The following KIZ variants were observed in gnomAD, a reference collection of about 807,000 sequenced individuals.
KIZ encodes centrosomal protein kizuna.
A neutral mutation model predicts 79.6 loss-of-function variants in KIZ; 68 were observed. The observed-to-expected ratio is 0.85, with a 90% confidence interval of 0.70 to 1.05. The LOEUF (loss-of-function observed/expected upper bound fraction) is 1.05, where lower values mean the gene tolerates loss of function less well. Among genes scored for constraint, KIZ ranks in the 50% least tolerant of loss-of-function variants. The pLI is 0.00. For missense variants in KIZ, 797 were observed against 800.4 expected (o/e 1.00, Z 0.05); for synonymous variants, 280 against 281.8 (o/e 0.99, Z 0.06).
chr20:21,171,305 C>CTCTT (rs1299991052), intron 6 of KIZ, among the ~76,000 whole-genome samples: 4 of 152,164 alleles, frequency 2.6e-5, no homozygotes, highest in African/African-American at 9.6e-5. Flanking sequence ...GTTTTAATAG[C>CTCTT]TCTTTCTACA....
In KIZ at chr20:21,205,688, C is replaced by T. The variant is rs147756848; in HGVS notation, c.1446+104C>T. ...AAAAAAAAAAAAAGTTTTGGCCAGGCGCCGTGGCTCACGCCTGTAATCCCA... is the reference window on the plus strand; with the variant it reads ...AAAAAAAAAAAAAGTTTTGGCCAGGTGCCGTGGCTCACGCCTGTAATCCCA... On this transcript the variant is annotated intron_variant, in intron 7 of 12. Transcript: ENST00000619189. 2,992 of 557,186 alleles carry T rather than the reference C, an allele frequency of 5.4e-3. 72 individuals are homozygous for T. Among genetic ancestry groups the T allele is most frequent in the African/African-American group, 0.051 (2,588 of 50,818 alleles). The allele number at this position is 557,186 out of a possible 1,614,324, so 34.5% of individuals were successfully genotyped here.
At chr20:21,138,434 A>T (rs1372118788) in intron 3 of KIZ, among the ~76,000 whole-genome samples, 1 of 152,220 alleles carries the variant, frequency 6.6e-6, no homozygotes, top group Non-Finnish European at 1.5e-5. Flanking sequence ...ATCTATGCTG[A>T]TGCTATCTAA....
At chr20:21,138,497 A>G (rs1265416647) in intron 3 of KIZ, among the ~76,000 whole-genome samples, 1 of 152,212 alleles carries the variant, frequency 6.6e-6, no homozygotes, top group Non-Finnish European at 1.5e-5. Context: ...GGCTTGTGAC[A>G]CTGAAGACTG....
intron 4 of KIZ, chr20:21,151,408 T>A (rs1398086047): frequency 6.6e-6 from 1 of 152,190 alleles, no homozygotes; most frequent in Non-Finnish European, 1.5e-5. Flanking sequence ...AAGTGTATTA[T>A]GTGACAGAGG....
intron 6 of KIZ, among the ~76,000 whole-genome samples, chr20:21,165,243 T>C (rs2033875600): frequency 6.6e-6 from 1 of 152,144 alleles, no homozygotes; most frequent in African/African-American, 2.4e-5. Flanking sequence ...ATCCAGAATG[T>C]AAAATCTGCG....
chr20:21,130,596 TA>T (rs573526034), intron 1 of KIZ, among the ~76,000 whole-genome samples: 133 of 152,368 alleles, frequency 8.7e-4, no homozygotes, highest in African/African-American at 3.1e-3. Context: ...TGCTATTAGT[TA>T]AAAATGTGTG....
At chr20:21,235,197 A>G (rs908377019) in intron 11 of KIZ, among the ~76,000 whole-genome samples, 1 of 152,018 alleles carries the variant, frequency 6.6e-6, no homozygotes, top group African/African-American at 2.4e-5. Context: ...GCAAAGAGAT[A>G]CTCTTAGCAC....
intron 9 of KIZ, chr20:21,218,593 G>A (rs1404952144): frequency 6.6e-6 from 1 of 152,202 alleles, no homozygotes; most frequent in Non-Finnish European, 1.5e-5. Context: ...GTTTAAAAAT[G>A]TGAGCCTAGA....
chr20:21,142,100 C>T (rs1225939553), intron 3 of KIZ, among the ~76,000 whole-genome samples: 1 of 151,960 alleles, frequency 6.6e-6, no homozygotes, highest in Admixed American at 6.6e-5. Flanking sequence ...CACACACTCT[C>T]TCTCACACAT....
intron 10 of KIZ, among the ~76,000 whole-genome samples, chr20:21,231,654 T>C (rs1019001001): frequency 2.0e-5 from 3 of 152,134 alleles, no homozygotes; most frequent in Admixed American, 6.5e-5. Flanking sequence ...ACCCTTACTC[T>C]CATTCTGATC....
Position 21,246,521 on chromosome 20 carries a change from C to G in KIZ, c.1967C>G (p.Ala656Gly). ...GATGACAGTAACTCAGAAATTGAGG[C>G]TGCTTTACGCCCCAGAAACCATAAC... is the stretch of plus-strand genomic sequence containing the variant. ...ESDDSNSEIE[A>G]ALRPRNHNTD... is the part of the protein sequence containing the mutation. Residue 656 changes from alanine to glycine, a missense_variant, in exon 13 of 13, where the codon GCT (alanine) becomes GGT (glycine). Ala to Gly is a moderately conservative substitution (Grantham distance 60). Coordinates refer to ENST00000619189, the MANE Select transcript of KIZ (RefSeq NM_018474.6). The G allele has an allele frequency of 6.8e-6, 11 of 1,612,016 alleles. No individual in the cohort carries two copies. Among genetic ancestry groups the G allele is most frequent in the Non-Finnish European group, 9.3e-6 (11 of 1,178,216 alleles).
chr20:21,157,284 A>C (rs1420264565), intron 4 of KIZ, among the ~76,000 whole-genome samples: 11 of 152,086 alleles, frequency 7.2e-5, no homozygotes, highest in Non-Finnish European at 1.5e-5. Context: ...ATTTTTACAC[A>C]TAATTAAGGG....
intron 6 of KIZ, among the ~76,000 whole-genome samples, chr20:21,190,021 G>T (rs534933759): frequency 6.6e-6 from 1 of 152,288 alleles, no homozygotes; most frequent in Non-Finnish European, 1.5e-5. Flanking sequence ...GTATGTGTTT[G>T]TCCTTTCTAC....
At chr20:21,187,637 G>A (rs375961195) in intron 6 of KIZ, among the ~76,000 whole-genome samples, 1 of 152,066 alleles carries the variant, frequency 6.6e-6, no homozygotes, top group Non-Finnish European at 1.5e-5. Context: ...TTAAACACAC[G>A]TGTATATATG....
chr20:21,135,569 T>C (rs2032140145), intron 2 of KIZ, among the ~76,000 whole-genome samples: 1 of 152,328 alleles, frequency 6.6e-6, no homozygotes, highest in East Asian at 1.9e-4. Flanking sequence ...AAATCTTTGT[T>C]TTGAGGGTGA....
At position 21,136,267 on chromosome 20, in the gene KIZ, C is replaced by CG. The variant is rs1189914549; in HGVS notation, c.153-121dup. ...TATATACATTTTGTTGTTTGGGTTT[C>CG]GGTGGTTTGGGTAAAATACCTTAGA... is the stretch of plus-strand genomic sequence containing the variant. On this transcript the variant is annotated intron_variant, in intron 2 of 12. Coordinates refer to ENST00000619189, the MANE Select transcript of KIZ (RefSeq NM_018474.6). 4 of 606,892 alleles carry CG rather than the reference C, an allele frequency of 6.6e-6. No individual in the cohort carries two copies. In the African/African-American group the frequency reaches 7.6e-5, roughly 11 times the overall value. 37.6% of individuals were successfully genotyped at this position (606,892 alleles called of 1,614,324 possible).
At chr20:21,224,143 G>A (rs867405728) in intron 9 of KIZ, among the ~76,000 whole-genome samples, 8 of 151,936 alleles carry the variant, frequency 5.3e-5, no homozygotes, top group Non-Finnish European at 7.4e-5. Flanking sequence ...ACAGGCACGC[G>A]CCACCATGCA....
At chr20:21,215,939 A>G (rs1054697366) in intron 9 of KIZ, among the ~76,000 whole-genome samples, 1 of 152,196 alleles carries the variant, frequency 6.6e-6, no homozygotes, top group African/African-American at 2.4e-5. Flanking sequence ...AAAAAGGTCC[A>G]TCTCCCTGGG....
chr20:21,226,716 T>C (rs79960208), intron 9 of KIZ, among the ~76,000 whole-genome samples: 1 of 152,268 alleles, frequency 6.6e-6, no homozygotes, highest in African/African-American at 2.4e-5. Context: ...TTTAGACCAT[T>C]GGAGGGAATC....
Sources: allele counts gnomAD v4.1 joint callset (sites outside exome capture counted in the v4.1 genomes callset), GRCh38; gene constraint gnomAD v4.1.1; transcripts MANE v1.5; gene names NCBI Gene and HGNC (gene_info 2026-07-23, HGNC 2026-07-21).